GRIP1: variants seen among roughly 807,000 people sequenced by gnomAD.
The protein encoded by GRIP1 is glutamate receptor interacting protein 1.
A neutral mutation model predicts 129.9 loss-of-function variants in GRIP1; 45 were observed. The ratio of observed to expected loss-of-function variants is 0.35; its 90% CI spans 0.27 to 0.44. The LOEUF (loss-of-function observed/expected upper bound fraction) is 0.44, where lower values mean the gene tolerates loss of function less well. Ranked by LOEUF, GRIP1 falls within the 20% of genes least tolerant of loss-of-function variation. The probability of loss-of-function intolerance (pLI) is 1.00; values close to 1 mark genes in which losing one functional copy is unlikely to be tolerated. For missense variants in GRIP1, 1,196 were observed against 1,396.8 expected (o/e 0.86, Z 2.29); for synonymous variants, 530 against 520.8 (o/e 1.02, Z -0.24).
At chr12:66,863,964 T>C (rs2040156742) in intron 1 of GRIP1, among the ~76,000 whole-genome samples, 1 of 152,134 alleles carries the variant, frequency 6.6e-6, no homozygotes, top group Non-Finnish European at 1.5e-5. Flanking sequence ...GAGGGAGCTG[T>C]GCCACCACTA....
intron 1 of GRIP1, among the ~76,000 whole-genome samples, chr12:66,727,898 G>A (rs1411900575): frequency 2.6e-5 from 4 of 152,148 alleles, no homozygotes; most frequent in Non-Finnish European, 5.9e-5. Flanking sequence ...ATTCTACATT[G>A]AGAAAGGTTT....
intron 1 of GRIP1, among the ~76,000 whole-genome samples, chr12:66,619,341 C>T (rs532995756): frequency 2.0e-5 from 3 of 152,088 alleles, no homozygotes; most frequent in South Asian, 4.2e-4. Flanking sequence ...CCCATGAGAA[C>T]CAGGTACTAG....
intron 2 of GRIP1, among the ~76,000 whole-genome samples, chr12:66,580,031 G>T (rs199936813): frequency 0.2 from 26,633 of 136,356 alleles, 2,245 homozygotes; most frequent in Admixed American, 0.22. Flanking sequence ...CCCACAAAGG[G>T]AAGCCCATCA....
At chr12:66,558,379 T>G (rs1301185994) in intron 2 of GRIP1, among the ~76,000 whole-genome samples, 1 of 152,112 alleles carries the variant, frequency 6.6e-6, no homozygotes, top group Non-Finnish European at 1.5e-5. Context: ...CCTGTAAGAC[T>G]TACTCACTAC....
chr12:66,620,713 CCTTCCTTT>C (rs2065232558), intron 1 of GRIP1, among the ~76,000 whole-genome samples: 1 of 151,466 alleles, frequency 6.6e-6, no homozygotes, highest in Non-Finnish European at 1.5e-5. Flanking sequence ...TGCCTTCCTT[CCTTCCTTT>C]TCTCCCTCTC....
At chr12:66,679,212 A>G (rs2136273802), upstream of GRIP1, 1 of 1,106,252 alleles carries the variant, frequency 9.0e-7, no homozygotes, top group South Asian at 1.6e-5. Flanking sequence ...CAGGGACGAC[A>G]CTGTGTGAGG....
At chr12:66,490,014 T>C (rs1385636365) in intron 7 of GRIP1, among the ~76,000 whole-genome samples, 1 of 152,196 alleles carries the variant, frequency 6.6e-6, no homozygotes, top group Non-Finnish European at 1.5e-5. Flanking sequence ...TCCATGTCCA[T>C]GGATAGGAAG....
intron 1 of GRIP1, among the ~76,000 whole-genome samples, chr12:66,775,954 C>T (rs968000743): frequency 6.6e-6 from 1 of 152,122 alleles, no homozygotes; most frequent in African/African-American, 2.4e-5. Flanking sequence ...TATAGCATTG[C>T]CAAAATGGAA....
intron 1 of GRIP1, among the ~76,000 whole-genome samples, chr12:66,723,134 C>G (rs2036111229): frequency 6.7e-6 from 1 of 150,240 alleles, no homozygotes; most frequent in South Asian, 2.1e-4. Context: ...AAAAAAAGAA[C>G]AAATGAAAGA....
chr12:66,724,398 G>T (rs145901926), intron 1 of GRIP1, among the ~76,000 whole-genome samples: 2 of 152,208 alleles, frequency 1.3e-5, no homozygotes, highest in Non-Finnish European at 2.9e-5. Context: ...GCATCATGCT[G>T]CATGTTTTGG....
intron 1 of GRIP1, among the ~76,000 whole-genome samples, chr12:66,740,415 G>T (rs1338723282): frequency 6.6e-6 from 1 of 152,126 alleles, no homozygotes; most frequent in Non-Finnish European, 1.5e-5. Flanking sequence ...TTCAACAAAG[G>T]ATGTTAAGAC....
chr12:66,719,241 C>T (rs2136437165), intron 1 of GRIP1, among the ~76,000 whole-genome samples: 1 of 152,176 alleles, frequency 6.6e-6, no homozygotes, highest in South Asian at 2.1e-4. Flanking sequence ...TTCTATTTTG[C>T]TCTAGAAGAT....
chr12:66,955,029 A>G (rs1229121097), intron 1 of GRIP1, among the ~76,000 whole-genome samples: 2 of 152,200 alleles, frequency 1.3e-5, no homozygotes, highest in Non-Finnish European at 2.9e-5. Flanking sequence ...AAGACATTTA[A>G]GGGGGTGGTG....
At chr12:66,593,064 T>G (rs2063904519) in intron 2 of GRIP1, among the ~76,000 whole-genome samples, 1 of 152,206 alleles carries the variant, frequency 6.6e-6, no homozygotes, top group Admixed American at 6.5e-5. Context: ...ACTCATGTCA[T>G]TTTTTACTAT....
intron 1 of GRIP1, among the ~76,000 whole-genome samples, chr12:66,746,398 T>A (rs1156605996): frequency 6.6e-6 from 1 of 152,212 alleles, no homozygotes; most frequent in Non-Finnish European, 1.5e-5. Flanking sequence ...AAATGCAGAA[T>A]CTTAGGTGGC....
At chr12:66,405,085 C>G (rs1267567141) in intron 16 of GRIP1, among the ~76,000 whole-genome samples, 1 of 152,144 alleles carries the variant, frequency 6.6e-6, no homozygotes, top group Non-Finnish European at 1.5e-5. Context: ...AATGGAAAAA[C>G]TCTACAACAT....
intron 1 of GRIP1, among the ~76,000 whole-genome samples, chr12:66,839,632 T>TAA (rs1384450371): frequency 6.6e-6 from 1 of 152,184 alleles, no homozygotes; most frequent in Non-Finnish European, 1.5e-5. Context: ...CCCAAAGGGA[T>TAA]AAGCTTGGGC....
At chr12:67,029,329 G>C (rs751754814) in intron 1 of GRIP1, among the ~76,000 whole-genome samples, 6 of 152,124 alleles carry the variant, frequency 3.9e-5, no homozygotes, top group African/African-American at 7.2e-5. Context: ...GCCCAGGCTA[G>C]TCTTGAACTC....
chr12:66,510,985 A>G (rs1165239096), intron 7 of GRIP1, among the ~76,000 whole-genome samples: 2 of 152,166 alleles, frequency 1.3e-5, no homozygotes, highest in African/African-American at 4.8e-5. Flanking sequence ...TTAGAATGAA[A>G]CAGGCAGAGA....
Sources: allele counts gnomAD v4.1 joint callset (sites outside exome capture counted in the v4.1 genomes callset), GRCh38; gene constraint gnomAD v4.1.1; transcripts MANE v1.5; gene names NCBI Gene and HGNC (gene_info 2026-07-23, HGNC 2026-07-21).